Variants in LAMA1 observed in about 807,000 individuals in gnomAD.
The protein encoded by LAMA1 is laminin subunit alpha-1.
Under a neutral mutation model 348.7 loss-of-function variants are expected in LAMA1, and 219 were observed. The observed-to-expected ratio is 0.63, with a 90% confidence interval of 0.56 to 0.70. The LOEUF is 0.70. LAMA1 is among the 30% of genes least tolerant of loss of function. The pLI is 0.00. For synonymous variants in LAMA1, 1,487 were observed against 1,491.0 expected (o/e 1.00, Z 0.06); for missense variants, 3,744 against 3,888.0 (o/e 0.96, Z 0.99).
chr18:7,064,740 T>A (rs1427261159), intron 3 of LAMA1, among the ~76,000 whole-genome samples: 1 of 152,244 alleles, frequency 6.6e-6, no homozygotes, highest in Non-Finnish European at 1.5e-5. Flanking sequence ...GTTATTTAAC[T>A]GACATTTTTT....
chr18:7,078,413 G>A (rs1000214968), intron 3 of LAMA1, among the ~76,000 whole-genome samples: 4 of 151,632 alleles, frequency 2.6e-5, no homozygotes, highest in Admixed American at 1.3e-4. Flanking sequence ...TGATCCACCC[G>A]CCTTGGCCTC....
intron 7 of LAMA1, 74 bp from the exon 8 acceptor site, chr18:7,043,479 A>C: frequency 8.4e-7 from 1 of 1,191,124 alleles, no homozygotes; most frequent in Non-Finnish European, 1.2e-6. Flanking sequence ...TAACCTCCCT[A>C]AGTAAGTTCT....
chr18:7,097,564 A>G (rs1239529319), intron 1 of LAMA1, among the ~76,000 whole-genome samples: 1 of 151,314 alleles, frequency 6.6e-6, no homozygotes, highest in East Asian at 1.9e-4. Context: ...AATGACCTAG[A>G]ACAGTTAAAG....
intron 36 of LAMA1, among the ~76,000 whole-genome samples, chr18:6,987,520 A>T (rs1315083147): frequency 6.6e-6 from 1 of 152,222 alleles, no homozygotes; most frequent in Non-Finnish European, 1.5e-5. Flanking sequence ...ATATGCCATC[A>T]AATTGCTGAT....
chr18:6,958,409 GA>G, intron 55 of LAMA1, 67 bp downstream of exon 55: 1 of 1,518,126 alleles, frequency 6.6e-7, no homozygotes, highest in Non-Finnish European at 9.1e-7. Context: ...TGAGATTTCA[GA>G]TTAGTGTTAG....
At chr18:7,009,193 T>C (rs2057847263) in intron 27 of LAMA1, 46 bp downstream of exon 27, 1 of 1,612,558 alleles carries the variant, frequency 6.2e-7, no homozygotes. Context: ...TTCAGTTTGC[T>C]TTCAAATATG....
intron 1 of LAMA1, among the ~76,000 whole-genome samples, chr18:7,087,003 T>C (rs565844002): frequency 3.2e-4 from 49 of 152,336 alleles, no homozygotes; most frequent in Admixed American, 2.8e-3. Context: ...AATAATTTGG[T>C]AATTCTTTGA....
intron 48 of LAMA1, 111 bp downstream of exon 48, chr18:6,971,746 G>C: frequency 6.9e-7 from 1 of 1,454,388 alleles, no homozygotes; most frequent in Non-Finnish European, 9.6e-7. Context: ...ACACCTACCA[G>C]CGATATCACA....
chr18:7,048,988 C>T (rs2058052359), intron 5 of LAMA1, 90 bp downstream of exon 5: 8 of 1,312,096 alleles, frequency 6.1e-6, no homozygotes, highest in African/African-American at 1.5e-5. Context: ...GGGGAAAGAA[C>T]AACCAAAAAG....
rs1484425220 is a variant in LAMA1 at position 7,011,319 on chromosome 18, T to A, written c.3668A>T (p.Gln1223Leu). Reference protein sequence around the residue: ...RAEPFYWRLPQQFQGDQLMAY... With the variant: ...RAEPFYWRLPLQFQGDQLMAY... ...CCTCACCTGGTCTCCTTGGAACTGC[T>A]GCGGCAGCCGCCAGTAAAACGGCTC... The change falls in exon 25 of 63, where the codon CAG (glutamine) becomes CTG (leucine). Residue 1223 changes from glutamine (Q) to leucine (L), a missense_variant. Gln to Leu is a moderately radical substitution (Grantham distance 113). Coordinates refer to ENST00000389658, the MANE Select transcript of LAMA1 (RefSeq NM_005559.4). The A allele has an allele frequency of 1.2e-6, 2 of 1,608,598 alleles. No individual in the cohort carries two copies. Among genetic ancestry groups the A allele is most frequent in the South Asian group, 1.1e-5 (1 of 90,144 alleles).
rs76482057 is a variant in LAMA1, at chr18:6,959,395, G to A, written c.7724C>T (p.Thr2575Met). 7,045 of 1,614,144 alleles carry A rather than the reference G, an allele frequency of 4.4e-3. 41 individuals are homozygous for A. Among genetic ancestry groups the A allele is most frequent in the Non-Finnish European group, 5.0e-3 (5,857 of 1,180,028 alleles). Residue 2575 changes from threonine to methionine, a missense_variant, in exon 54 of 63, where the codon ACG becomes ATG. Physicochemically the swap from Thr to Met is moderately conservative, Grantham distance 81 (BLOSUM62 -1). Around this residue, in one of 3 missense-constraint regions of LAMA1, gnomAD observed 1,983 missense variants for 1,934.3 expected, o/e 1.03. Transcript: ENST00000389658. ...CGCTTGTCCATCACTGCAGGTACCC[G>A]TGGGAGCGTGCAGGAGAGCTTTTCT... ...GLRKALLHAPTGTCSDGQAHS... is the reference protein window; with the variant it reads ...GLRKALLHAPMGTCSDGQAHS...
chr18:7,042,354 T>G (rs1033021327), intron 8 of LAMA1, 104 bp from the exon 9 acceptor site: 1 of 741,454 alleles, frequency 1.3e-6, no homozygotes, highest in Admixed American at 2.0e-5. Flanking sequence ...ATGGGACTAT[T>G]ACGATGATTT....
intron 11 of LAMA1, 46 bp from the exon 12 acceptor site, chr18:7,037,797 C>A: frequency 6.3e-7 from 1 of 1,577,978 alleles, no homozygotes; most frequent in East Asian, 2.2e-5. Context: ...TAGAACTTAC[C>A]TTAGATTTCA....
chr18:7,013,058 G>A (rs144883996), intron 23 of LAMA1, among the ~76,000 whole-genome samples: 1,853 of 152,012 alleles, frequency 0.012, 37 homozygotes, highest in African/African-American at 0.042. Flanking sequence ...CTACTCGGGA[G>A]GCTGAGGCAG....
chr18:6,958,544 C>T lies in LAMA1; in HGVS notation c.7897G>A (p.Gly2633Arg), dbSNP rs769644598. The T allele has an allele frequency of 8.7e-5, 141 of 1,614,140 alleles. 1 individual carries two copies. The Middle Eastern group carries it at 2.8e-3, about 32-fold the overall frequency. The stretch of plus-strand genomic sequence containing the variant: ...CTTCTCATTGTGAGCAGTGACGTCC[C>T]CTCTCCCTCTGGAATTCCCCCGACG... ...LYVGGIPEGEGTSLLTMRRSF... is the reference protein window; with the variant it reads ...LYVGGIPEGERTSLLTMRRSF... Residue 2633 changes from glycine to arginine, a missense_variant, in exon 55 of 63, where the codon GGG (glycine) becomes AGG (arginine). Physicochemically the swap from Gly to Arg is moderately radical, Grantham distance 125. Around this residue, in one of 3 missense-constraint regions of LAMA1, gnomAD observed 1,983 missense variants for 1,934.3 expected, o/e 1.03. Transcript: ENST00000389658.
chr18:6,973,743 G>A (rs1022975824), intron 46 of LAMA1, among the ~76,000 whole-genome samples: 3 of 152,136 alleles, frequency 2.0e-5, no homozygotes, highest in African/African-American at 4.8e-5. Flanking sequence ...TACCAGGTTG[G>A]CTGCCTTACA....
intron 45 of LAMA1, 72 bp from the exon 46 acceptor site, chr18:6,975,108 G>C: frequency 6.6e-7 from 1 of 1,518,406 alleles, no homozygotes; most frequent in Non-Finnish European, 8.9e-7. Flanking sequence ...ACACTTTACA[G>C]AGTCAATTCT....
intron 41 of LAMA1, among the ~76,000 whole-genome samples, chr18:6,981,046 T>C (rs778079554): frequency 6.7e-6 from 1 of 149,870 alleles, no homozygotes; most frequent in Non-Finnish European, 1.5e-5. Context: ...GAACTTGCAG[T>C]GAGCTGAGAT....
At chr18:7,013,229 A>G (rs922757088) in intron 23 of LAMA1, among the ~76,000 whole-genome samples, 1 of 151,976 alleles carries the variant, frequency 6.6e-6, no homozygotes, top group Admixed American at 6.6e-5. Flanking sequence ...TGATATGTAC[A>G]TGAGTTTTCC....
Sources: gnomAD v4.1 joint callset for allele counts (sites outside exome capture counted in the v4.1 genomes callset) on GRCh38, gnomAD v4.1.1 for gene constraint, gnomAD v4.1.1 regional missense constraint, MANE v1.5 for transcripts, NCBI Gene and HGNC (gene_info 2026-07-23, HGNC 2026-07-21) for gene names.